HYAL4: variants seen among roughly 807,000 people sequenced by gnomAD.
HYAL4 encodes hyaluronidase 4.
A neutral mutation model predicts 35.2 loss-of-function variants in HYAL4; 37 were observed. The ratio of observed to expected loss-of-function variants is 1.05; its 90% confidence interval spans 0.81 to 1.38. The LOEUF is 1.38. HYAL4 is among the 40% of genes most tolerant of loss of function. HYAL4 has a pLI of 0.00. For synonymous variants in HYAL4, 198 were observed against 203.2 expected (o/e 0.97, Z 0.22); for missense variants, 572 against 572.4 (o/e 1.00, Z 0.01).
chr7:123,866,789 C>CTTTTTTTTTT (rs1009764748), intron 2 of HYAL4, among the ~76,000 whole-genome samples: 1 of 134,190 alleles, frequency 7.5e-6, no homozygotes, highest in Non-Finnish European at 1.6e-5. Context: ...CTTTCTCTCT[C>CTTTTTTTTTT]TTTTTTTTTT....
the HYAL4 span, among the ~76,000 whole-genome samples, chr7:123,763,734 A>G: frequency 1.6e-4 from 24 of 152,274 alleles, no homozygotes; most frequent in East Asian, 4.7e-3. Flanking sequence ...GTCACCTCTC[A>G]ATGTAAGATT....
the HYAL4 span, among the ~76,000 whole-genome samples, chr7:123,773,425 A>G: frequency 6.6e-6 from 1 of 152,238 alleles, no homozygotes; most frequent in Non-Finnish European, 1.5e-5. Flanking sequence ...TAAGATAAGA[A>G]TAAATTAATT....
intron 2 of HYAL4, among the ~76,000 whole-genome samples, chr7:123,848,862 G>T (rs2116925613): frequency 6.6e-6 from 1 of 152,214 alleles, no homozygotes; most frequent in East Asian, 1.9e-4. Flanking sequence ...GATGATTTTT[G>T]GTTGTAAAAC....
At chr7:123,814,507 GT>G in the HYAL4 span, 1 of 152,614 alleles carries the variant, frequency 6.6e-6, no homozygotes, top group Non-Finnish European at 1.5e-5. Context: ...GTGTCCCTTG[GT>G]GGAGATCAGA....
rs751989606 is a variant in HYAL4 at position 123,869,098 on chromosome 7, G to A, written c.825G>A (p.Leu275=). 3 of 1,614,010 alleles carry A rather than the reference G, an allele frequency of 1.9e-6. No individual in the cohort carries two copies. The highest frequency in any genetic ancestry group is 2.5e-6 in the Non-Finnish European group (3 of 1,180,022). ...WKSLGDSENI[L]RFSKFRVHES... Reference sequence around the variant, plus strand: ...CCCTTGGAGACAGTGAAAACATTTTGCGCTTCTCCAAATTTCGGGTGCATG... The same window carrying A: ...CCCTTGGAGACAGTGAAAACATTTTACGCTTCTCCAAATTTCGGGTGCATG... Residue 275 remains leucine (L), a synonymous_variant, in exon 3 of 5, where the codon TTG becomes TTA. Coordinates refer to ENST00000223026, the MANE Select transcript of HYAL4 (RefSeq NM_012269.3).
the HYAL4 span, among the ~76,000 whole-genome samples, chr7:123,790,909 C>T: frequency 2.0e-5 from 3 of 151,876 alleles, no homozygotes; most frequent in Non-Finnish European, 4.4e-5. Context: ...GGATTACAGG[C>T]ACCCACCACC....
the HYAL4 span, among the ~76,000 whole-genome samples, chr7:123,809,295 G>A: frequency 6.6e-6 from 1 of 151,744 alleles, no homozygotes; most frequent in Non-Finnish European, 1.5e-5. Flanking sequence ...GAGTTTCTCT[G>A]TATTTTCTTG....
chr7:123,771,804 G>T, the HYAL4 span, among the ~76,000 whole-genome samples: 1 of 136,730 alleles, frequency 7.3e-6, no homozygotes, highest in Admixed American at 7.3e-5. Flanking sequence ...TTGGTTTGAG[G>T]TTTTTTTTTT....
intron 1 of HYAL4, among the ~76,000 whole-genome samples, chr7:123,836,275 A>G (rs1467964589): frequency 6.6e-6 from 1 of 152,100 alleles, no homozygotes; most frequent in South Asian, 2.1e-4. Context: ...TTAGGTGCAT[A>G]TATATTCAGG....
intron 1 of HYAL4, among the ~76,000 whole-genome samples, chr7:123,839,756 T>C (rs1255352314): frequency 6.6e-6 from 1 of 152,232 alleles, no homozygotes; most frequent in Admixed American, 6.5e-5. Context: ...AACTTTTTCA[T>C]GTGTCTGATG....
At position 123,868,816 on chromosome 7, in the gene HYAL4, C is replaced by T. The variant is rs180761852; in HGVS notation, c.543C>T (p.Thr181=). 56 of 1,614,114 alleles carry T rather than the reference C, an allele frequency of 3.5e-5. No individual in the cohort carries two copies. In the East Asian group the frequency reaches 6.9e-4, roughly 20 times the overall value. ...ATATGGGAAAGAATGTATCAGCTAC[C>T]GATATTGAATATTTAGCCAAAGTGA... The part of the protein sequence containing the change: ...ISDMGKNVSA[T]DIEYLAKVTF... The change falls in exon 3 of 5, where the codon ACC becomes ACT. Residue 181 remains threonine, a synonymous_variant. Transcript: ENST00000223026.
At chr7:123,861,458 C>A in intron 2 of HYAL4, among the ~76,000 whole-genome samples, 1 of 152,142 alleles carries the variant, frequency 6.6e-6, no homozygotes, top group East Asian at 1.9e-4. Context: ...GATCCTAAGA[C>A]TTAGTGTGCT....
the HYAL4 span, among the ~76,000 whole-genome samples, chr7:123,774,384 G>T: frequency 2.0e-5 from 3 of 151,874 alleles, no homozygotes; most frequent in African/African-American, 7.3e-5. Flanking sequence ...ACTGGGTGTG[G>T]TATGCTCCTT....
the HYAL4 span, among the ~76,000 whole-genome samples, chr7:123,822,055 A>G: frequency 2.6e-5 from 4 of 152,160 alleles, no homozygotes; most frequent in Admixed American, 1.3e-4. Context: ...TAGAATTGTA[A>G]TATATATTTA....
chr7:123,783,931 G>T, the HYAL4 span, among the ~76,000 whole-genome samples: 1 of 152,068 alleles, frequency 6.6e-6, no homozygotes, highest in Non-Finnish European at 1.5e-5. Context: ...AATAGCTTTT[G>T]GTCACTCCCT....
chr7:123,835,480 C>T (rs1334841128), intron 1 of HYAL4, among the ~76,000 whole-genome samples: 2 of 151,994 alleles, frequency 1.3e-5, no homozygotes, highest in South Asian at 2.1e-4. Flanking sequence ...ATTCTTTTCT[C>T]GATAATCTTG....
the HYAL4 span, among the ~76,000 whole-genome samples, chr7:123,820,950 G>T: frequency 2.0e-5 from 3 of 152,012 alleles, no homozygotes; most frequent in Non-Finnish European, 4.4e-5. Flanking sequence ...TGTCCCCCAG[G>T]TTCATCTGGT....
intron 3 of HYAL4, among the ~76,000 whole-genome samples, chr7:123,874,439 T>C (rs1806956557): frequency 6.6e-6 from 1 of 152,204 alleles, no homozygotes; most frequent in Non-Finnish European, 1.5e-5. Context: ...AGTCTCACCC[T>C]GTCATCTAGG....
chr7:123,852,750 G>C (rs1466780417), intron 2 of HYAL4, among the ~76,000 whole-genome samples: 1 of 152,142 alleles, frequency 6.6e-6, no homozygotes, highest in South Asian at 2.1e-4. Context: ...GAAATTTAAA[G>C]TAGTTTTTTC....
Sources: gnomAD v4.1 joint callset for allele counts (sites outside exome capture counted in the v4.1 genomes callset) on GRCh38, gnomAD v4.1.1 for gene constraint, MANE v1.5 for transcripts, NCBI Gene and HGNC (gene_info 2026-07-23, HGNC 2026-07-21) for gene names.